Variants in SNX29 observed in about 807,000 individuals in gnomAD.
SNX29 encodes sorting nexin 29, also known as sorting nexin-29.
In SNX29, 78 loss-of-function variants were observed where a neutral mutation model predicts 102.1. That is an observed-to-expected ratio of 0.76 (90% CI 0.64 to 0.92). SNX29 has a LOEUF of 0.92. Among genes scored for constraint, SNX29 ranks in the 40% least tolerant of loss-of-function variants. The pLI is 0.00. For missense variants in SNX29, 1,280 were observed against 1,061.7 expected, an observed-to-expected ratio of 1.21 and a Z score of -2.86; for synonymous variants, 580 against 414.5, an observed-to-expected ratio of 1.40 and a Z score of -4.85.
intron 19 of SNX29, among the ~76,000 whole-genome samples, chr16:12,496,828 A>AT (rs1232206746): frequency 3.3e-5 from 5 of 151,774 alleles, no homozygotes; most frequent in East Asian, 1.9e-4. Context: ...GGAGCAGGTG[A>AT]TTTTTTTTCC....
intron 20 of SNX29, chr16:12,527,349 C>T (rs1172277172): frequency 7.8e-6 from 4 of 511,490 alleles, no homozygotes; most frequent in Non-Finnish European, 1.5e-5. Flanking sequence ...TGAGAGATTT[C>T]TGGTTAAAAA....
chr16:12,244,959 T>G (rs1406361845), intron 14 of SNX29, among the ~76,000 whole-genome samples: 1 of 152,220 alleles, frequency 6.6e-6, no homozygotes, highest in Non-Finnish European at 1.5e-5. Flanking sequence ...CAGATCTAAT[T>G]ATAATATTTG....
chr16:12,324,186 C>G (rs570822665), intron 15 of SNX29, among the ~76,000 whole-genome samples: 14 of 151,702 alleles, frequency 9.2e-5, no homozygotes, highest in African/African-American at 3.4e-4. Context: ...TTGGGGGGGT[C>G]CCATGAGTTT....
At chr16:12,458,738 G>A (rs1275699751) in intron 18 of SNX29, among the ~76,000 whole-genome samples, 2 of 152,226 alleles carry the variant, frequency 1.3e-5, no homozygotes, top group Admixed American at 1.3e-4. Context: ...CCTTTGGAGT[G>A]TGTCGCAATC....
chr16:12,274,324 G>T (rs1427688447), intron 14 of SNX29, among the ~76,000 whole-genome samples: 1 of 152,148 alleles, frequency 6.6e-6, no homozygotes, highest in Non-Finnish European at 1.5e-5. Flanking sequence ...CACTTCAGAA[G>T]TTGGTAGCCT....
chr16:12,461,972 AAAAAAAATATATATAT>A (rs1423361571), intron 18 of SNX29, among the ~76,000 whole-genome samples: 39 of 64,114 alleles, frequency 6.1e-4, no homozygotes, highest in African/African-American at 2.7e-3. Flanking sequence ...AAAAAAAAAA[AAAAAAAATATATATAT>A]ATATATATAT....
intron 19 of SNX29, among the ~76,000 whole-genome samples, chr16:12,495,046 C>G (rs1191758812): frequency 6.6e-6 from 1 of 152,246 alleles, no homozygotes; most frequent in African/African-American, 2.4e-5. Context: ...CTGAAGCCTT[C>G]AAGCTCTTTC....
intron 5 of SNX29, 69 bp downstream of exon 5, chr16:12,043,146 A>G: frequency 6.4e-7 from 1 of 1,572,358 alleles, no homozygotes; most frequent in Admixed American, 1.8e-5. Flanking sequence ...CTGGAATCAG[A>G]CCACCTGGAT....
At chr16:12,259,496 C>T (rs1465098706) in intron 14 of SNX29, among the ~76,000 whole-genome samples, 2 of 152,190 alleles carry the variant, frequency 1.3e-5, no homozygotes, top group Admixed American at 6.5e-5. Context: ...CAGCCCCCAC[C>T]TGGCTCCCCG....
chr16:12,538,858 G>C (rs764366203), intron 20 of SNX29, among the ~76,000 whole-genome samples: 1 of 152,116 alleles, frequency 6.6e-6, no homozygotes, highest in East Asian at 1.9e-4. Flanking sequence ...GGGGCACAGA[G>C]AACGGTAGAT....
At chr16:12,174,568 C>A (rs2076219045) in intron 13 of SNX29, among the ~76,000 whole-genome samples, 1 of 152,220 alleles carries the variant, frequency 6.6e-6, no homozygotes, top group Admixed American at 6.5e-5. Flanking sequence ...TTGACCCAAG[C>A]TGGGCTGGAA....
intron 11 of SNX29, among the ~76,000 whole-genome samples, chr16:12,085,617 G>C (rs1370152030): frequency 6.6e-6 from 1 of 152,104 alleles, no homozygotes; most frequent in African/African-American, 2.4e-5. Context: ...GTGAGCCACC[G>C]TGCCCAGCCC....
At position 12,389,782 on chromosome 16, in the gene SNX29, AC is replaced by A. The variant is rs113421451; in HGVS notation, c.1900-8661del. On this transcript the variant is annotated intron_variant, in intron 16 of 20. Transcript: ENST00000566228. Reference sequence around the variant, plus strand: ...ATGAGCCTTGAAACATCTCCTGGAAACCCTGGGACCTGGGAGGAGAGGCTAA... The same window carrying A: ...ATGAGCCTTGAAACATCTCCTGGAAACCTGGGACCTGGGAGGAGAGGCTAA... Among the ~76,000 whole-genome samples, 700 of 152,264 alleles carry A rather than the reference AC, an allele frequency of 4.6e-3. 8 individuals are homozygous for A. Among genetic ancestry groups the A allele is most frequent in the African/African-American group, 0.016 (670 of 41,554 alleles).
At chr16:12,348,923 C>T (rs982884457) in intron 15 of SNX29, among the ~76,000 whole-genome samples, 9 of 152,266 alleles carry the variant, frequency 5.9e-5, no homozygotes, top group African/African-American at 1.7e-4. Context: ...GGAGTGCCCC[C>T]TGAGTCTGCC....
chr16:12,255,082 G>A (rs775621084), intron 14 of SNX29, among the ~76,000 whole-genome samples: 6 of 152,188 alleles, frequency 3.9e-5, no homozygotes, highest in East Asian at 1.9e-4. Flanking sequence ...TGATCTGTAC[G>A]TTGTGAAATG....
chr16:12,515,427 C>T (rs1049264139), intron 19 of SNX29: 8 of 453,166 alleles, frequency 1.8e-5, no homozygotes, highest in South Asian at 6.6e-5. Flanking sequence ...ATGATTGCAC[C>T]CCATCCGCAA....
At chr16:11,977,067 C>G in intron 1 of SNX29, 2 of 393,866 alleles carry the variant, frequency 5.1e-6, no homozygotes, top group Non-Finnish European at 8.8e-6. Context: ...GCTCCTAAAC[C>G]CCTGTCCCCA....
chr16:11,982,181 C>G (rs2055432609), intron 1 of SNX29, among the ~76,000 whole-genome samples: 2 of 152,000 alleles, frequency 1.3e-5, no homozygotes, highest in African/African-American at 2.4e-5. Flanking sequence ...AGATGCCTGC[C>G]AGACATGTGT....
chr16:12,366,121 A>T (rs76120597), intron 16 of SNX29, among the ~76,000 whole-genome samples: 1,526 of 149,570 alleles, frequency 0.01, 28 homozygotes, highest in African/African-American at 0.036. Flanking sequence ...ATATATTTTT[A>T]AAAAAGGACC....
Sources: allele counts gnomAD v4.1 joint callset (sites outside exome capture counted in the v4.1 genomes callset), GRCh38; gene constraint gnomAD v4.1.1; transcripts MANE v1.5; gene names NCBI Gene and HGNC (gene_info 2026-07-23, HGNC 2026-07-21).